Variants in CRLF3 observed in about 807,000 individuals in gnomAD.
CRLF3 encodes cytokine receptor like factor 3.
A neutral mutation model predicts 55.0 loss-of-function variants in CRLF3; 33 were observed. The observed-to-expected ratio is 0.60, with a 90% CI of 0.46 to 0.80. CRLF3 has a LOEUF of 0.80. Ranked by LOEUF, CRLF3 falls within the 30% of genes least tolerant of loss-of-function variation. The probability of loss-of-function intolerance (pLI) is 0.00; values close to 1 mark genes in which losing one functional copy is unlikely to be tolerated. For missense variants in CRLF3, 494 were observed against 538.4 expected (o/e 0.92, Z 0.82); for synonymous variants, 238 against 196.8 (o/e 1.21, Z -1.75).
At chr17:30,796,402 T>A in intron 3 of CRLF3, 65 bp from the exon 4 acceptor site, 1 of 1,326,430 alleles carries the variant, frequency 7.5e-7, no homozygotes, top group Middle Eastern at 1.9e-4. Context: ...CAAGAAATAT[T>A]TTAGAGCAGT....
chr17:30,792,674 G>T, intron 5 of CRLF3, 102 bp from the exon 6 acceptor site: 1 of 1,029,332 alleles, frequency 9.7e-7, no homozygotes, highest in Non-Finnish European at 1.4e-6. Context: ...CTACTCTTAG[G>T]GGCCATGGTC....
chr17:30,813,312 T>G (rs1281200825), intron 1 of CRLF3, among the ~76,000 whole-genome samples: 2 of 152,048 alleles, frequency 1.3e-5, no homozygotes, highest in African/African-American at 2.4e-5. Context: ...GAAATTAGGG[T>G]TATAAAGATG....
intron 1 of CRLF3, among the ~76,000 whole-genome samples, chr17:30,804,983 G>A (rs1904341702): frequency 6.6e-6 from 1 of 152,124 alleles, no homozygotes; most frequent in Non-Finnish European, 1.5e-5. Flanking sequence ...AGGAGTTCAA[G>A]ACCAGCCTGG....
intron 1 of CRLF3, among the ~76,000 whole-genome samples, chr17:30,823,378 T>G (rs1168945905): frequency 6.6e-6 from 1 of 151,544 alleles, no homozygotes; most frequent in Non-Finnish European, 1.5e-5. Flanking sequence ...AAAAACAGAT[T>G]ATATATATAC....
At chr17:30,794,689 C>T (rs1221568897) in intron 4 of CRLF3, among the ~76,000 whole-genome samples, 1 of 152,028 alleles carries the variant, frequency 6.6e-6, no homozygotes, top group Non-Finnish European at 1.5e-5. Context: ...GTCCCAATTA[C>T]TTGGGGGCTG....
intron 1 of CRLF3, among the ~76,000 whole-genome samples, chr17:30,812,457 T>C (rs1904656515): frequency 6.6e-6 from 1 of 152,176 alleles, no homozygotes; most frequent in South Asian, 2.1e-4. Flanking sequence ...TGGCAGAGAT[T>C]TTGAATTCAG....
chr17:30,792,791 C>T, intron 5 of CRLF3: 1 of 425,654 alleles, frequency 2.3e-6, no homozygotes, highest in Non-Finnish European at 4.2e-6. Flanking sequence ...ATAAATCACA[C>T]AAGTGTTATC....
At chr17:30,788,744 A>G (rs1971713266) in intron 6 of CRLF3, among the ~76,000 whole-genome samples, 1 of 150,976 alleles carries the variant, frequency 6.6e-6, no homozygotes, top group Admixed American at 6.6e-5. Context: ...AGTAGCTGGG[A>G]TTACAGGCAC....
chr17:30,788,055 G>A (rs1053624746), intron 6 of CRLF3, among the ~76,000 whole-genome samples: 9 of 148,456 alleles, frequency 6.1e-5, no homozygotes, highest in African/African-American at 1.0e-4. Flanking sequence ...TAGGCCGGGT[G>A]CAGTGGCTCA....
intron 6 of CRLF3, 25 bp from the exon 7 acceptor site, chr17:30,786,056 T>G (rs769216143): frequency 1.6e-6 from 2 of 1,252,186 alleles, no homozygotes; most frequent in Non-Finnish European, 2.3e-6. Context: ...GAAAGGTCAT[T>G]TCATACTTTT....
At chr17:30,811,803 CAAAAAAAAAA>C (rs915710879) in intron 1 of CRLF3, among the ~76,000 whole-genome samples, 10 of 27,752 alleles carry the variant, frequency 3.6e-4, no homozygotes, top group Admixed American at 1.1e-3. Context: ...GACTCTGTCT[CAAAAAAAAAA>C]AAAAAAAAAA....
intron 1 of CRLF3, among the ~76,000 whole-genome samples, chr17:30,812,500 A>G (rs1597929877): frequency 6.6e-6 from 1 of 152,172 alleles, no homozygotes; most frequent in South Asian, 2.1e-4. Flanking sequence ...AAGCACTGCT[A>G]TGTTTCTCCT....
chr17:30,814,981 C>G (rs746586823), intron 1 of CRLF3, among the ~76,000 whole-genome samples: 2 of 151,824 alleles, frequency 1.3e-5, no homozygotes, highest in Non-Finnish European at 2.9e-5. Flanking sequence ...CCAGCCTGGG[C>G]AACAAGTGCG....
chr17:30,789,523 T>C (rs1246906214), intron 6 of CRLF3, among the ~76,000 whole-genome samples: 1 of 152,188 alleles, frequency 6.6e-6, no homozygotes, highest in Non-Finnish European at 1.5e-5. Context: ...ACTAGAATCA[T>C]GTTAACTCTC....
In CRLF3 at chr17:30,784,139, AGGACAGCTAC is replaced by A. The variant is rs777270129; in HGVS notation, c.*38_*47del. On this transcript the variant is annotated 3_prime_UTR_variant, in exon 8 of 8. Transcript: ENST00000324238. ...AAGCAATTACAACTACGCTGGGCTGAGGACAGCTACGTTAGACCCTGAAAACCAAAGCCAA... is the reference window on the plus strand; with the variant it reads ...AAGCAATTACAACTACGCTGGGCTGAGTTAGACCCTGAAAACCAAAGCCAA... 1 of 1,558,954 alleles carries A rather than the reference AGGACAGCTAC, an allele frequency of 6.4e-7. No homozygotes were observed. The highest frequency in any genetic ancestry group is 8.7e-7 in the Non-Finnish European group (1 of 1,146,920).
rs769690770 is a variant in CRLF3, at chr17:30,784,157, C to T, written c.*30G>A. On this transcript the variant is annotated 3_prime_UTR_variant, in exon 8 of 8. Coordinates refer to ENST00000324238, the MANE Select transcript of CRLF3 (RefSeq NM_015986.4). The stretch of plus-strand genomic sequence containing the variant: ...TGGGCTGAGGACAGCTACGTTAGAC[C>T]CTGAAAACCAAAGCCAAGCACCCAA... 3.7e-6 allele frequency: 6 copies of T among 1,600,390 alleles called. No individual in the cohort carries two copies. Among genetic ancestry groups the T allele is most frequent in the Non-Finnish European group, 5.1e-6 (6 of 1,173,288 alleles).
At chr17:30,798,290 A>G (rs1355028094) in intron 2 of CRLF3, among the ~76,000 whole-genome samples, 2 of 151,950 alleles carry the variant, frequency 1.3e-5, no homozygotes, top group African/African-American at 4.8e-5. Context: ...AGGCAGGAGA[A>G]TCACTTGAAT....
chr17:30,813,993 T>C (rs1683931130), intron 1 of CRLF3, among the ~76,000 whole-genome samples: 1 of 152,116 alleles, frequency 6.6e-6, no homozygotes, highest in Non-Finnish European at 1.5e-5. Context: ...GTGGTGGCTC[T>C]CACTTGTAAT....
intron 1 of CRLF3, chr17:30,810,004 C>T (rs955078920): frequency 7.2e-5 from 11 of 152,092 alleles, no homozygotes; most frequent in Non-Finnish European, 1.5e-4. Flanking sequence ...TATGTATTGG[C>T]TAAAGACACT....
Sources: gnomAD v4.1 joint callset for allele counts (sites outside exome capture counted in the v4.1 genomes callset) on GRCh38, gnomAD v4.1.1 for gene constraint, MANE v1.5 for transcripts, NCBI Gene and HGNC (gene_info 2026-07-23, HGNC 2026-07-21) for gene names.